APC: variants seen among roughly 807,000 people sequenced by gnomAD.
APC encodes the protein adenomatous polyposis coli protein.
APC carries 72 observed loss-of-function variants against 247.0 expected under a neutral mutation model. The observed-to-expected ratio is 0.29, with a 90% CI of 0.24 to 0.35. APC has a LOEUF of 0.35. APC is among the 10% of genes least tolerant of loss of function. The probability of loss-of-function intolerance (pLI) is 1.00; values close to 1 mark genes in which losing one functional copy is unlikely to be tolerated. For synonymous variants in APC, 1,254 were observed against 1,162.5 expected (o/e 1.08, Z -1.60); for missense variants, 3,400 against 3,360.7 (o/e 1.01, Z -0.29).
chr5:112,772,034 A>T (rs771239137), intron 4 of APC, among the ~76,000 whole-genome samples: 3 of 152,210 alleles, frequency 2.0e-5, no homozygotes, highest in Non-Finnish European at 4.4e-5. Flanking sequence ...CAGTACATAC[A>T]GCATTCAATA....
At chr5:112,723,745 G>A (rs73216233) in intron 1 of APC, among the ~76,000 whole-genome samples, 4,000 of 152,184 alleles carry the variant, frequency 0.026, 187 homozygotes, top group African/African-American at 0.092. Context: ...TATTTCTAGA[G>A]GAAAATGAAT....
chr5:112,746,688 T>A (rs187069998), intron 1 of APC, among the ~76,000 whole-genome samples: 72 of 152,340 alleles, frequency 4.7e-4, no homozygotes, highest in African/African-American at 1.5e-3. Flanking sequence ...TAAACATGTT[T>A]AAAAAATTTA....
chr5:112,817,030 G>A (rs1337791585), intron 9 of APC, among the ~76,000 whole-genome samples: 4 of 151,366 alleles, frequency 2.6e-5, no homozygotes, highest in Admixed American at 6.6e-5. Flanking sequence ...CACCATGCCC[G>A]GCTAATTTTT....
chr5:112,707,552 CG>C lies in APC; in HGVS notation c.-162del. 2 of 575,056 alleles carry C rather than the reference CG, an allele frequency of 3.5e-6. No homozygotes were observed. The highest frequency in any genetic ancestry group is 5.8e-6 in the Non-Finnish European group (2 of 347,550). 35.6% of individuals were successfully genotyped at this position (575,056 alleles called of 1,614,324 possible). On this transcript the variant is annotated 5_prime_UTR_variant, in exon 1 of 14. Coordinates refer to the APC transcript ENST00000507379. Reference sequence around the variant, plus strand: ...TGGCGGAGGGCAAGTAGCAAGGGGGCGGGGTGTGGCCGCCGGAAGCCTAGCC... The same window carrying C: ...TGGCGGAGGGCAAGTAGCAAGGGGGCGGGTGTGGCCGCCGGAAGCCTAGCC...
At chr5:112,738,413 A>C in intron 1 of APC, 1 of 985,726 alleles carries the variant, frequency 1.0e-6, no homozygotes, top group Non-Finnish European at 1.2e-6. Flanking sequence ...GGCTGATGTG[A>C]ATCTAGTGGA....
At chr5:112,731,841 A>G (rs999262541) in intron 1 of APC, among the ~76,000 whole-genome samples, 1 of 152,100 alleles carries the variant, frequency 6.6e-6, no homozygotes, top group African/African-American at 2.4e-5. Flanking sequence ...TGTTCACTGC[A>G]GCCTCTGCCT....
In APC at chr5:112,749,479, A is replaced by ATTTT. The variant is rs536428390; in HGVS notation, c.-18-5374_-18-5371dup. ...AAAGATATTAATACTTACTGCTCCA[A>ATTTT]TTTTTTTTTTTTTTTTTTTTTTTGA... On this transcript the variant is annotated intron_variant, in intron 1 of 15. Coordinates refer to ENST00000257430, the MANE Select transcript of APC (RefSeq NM_000038.6). 1.5e-3 allele frequency among the ~76,000 whole-genome samples: 158 copies of ATTTT among 104,062 alleles called. 3 individuals are homozygous for ATTTT. Among genetic ancestry groups the ATTTT allele is most frequent in the Middle Eastern group, 6.0e-3 (1 of 166 alleles). The allele number at this position is 104,062 out of a possible 152,430, so 68.3% of individuals were successfully genotyped here.
chr5:112,824,834 T>C (rs780371048), intron 11 of APC, among the ~76,000 whole-genome samples: 1 of 152,154 alleles, frequency 6.6e-6, no homozygotes, highest in Non-Finnish European at 1.5e-5. Context: ...CCTTTTCTTT[T>C]ACCCAAGTGT....
At chr5:112,776,796 A>G (rs1757702541) in intron 5 of APC, among the ~76,000 whole-genome samples, 1 of 152,058 alleles carries the variant, frequency 6.6e-6, no homozygotes, top group Non-Finnish European at 1.5e-5. Flanking sequence ...ATCCAAGTTC[A>G]TGCCACTGCA....
intron 2 of APC, among the ~76,000 whole-genome samples, chr5:112,764,177 C>T (rs1199520144): frequency 6.8e-6 from 1 of 147,616 alleles, no homozygotes; most frequent in Admixed American, 6.9e-5. Context: ...ACTTGGGAGG[C>T]GGAGCTTTCA....
Position 112,841,135 on chromosome 5 carries a change from G to A in APC, c.5541G>A (p.Thr1847=), listed in dbSNP as rs777449060. The A allele has an allele frequency of 1.3e-5, 21 of 1,612,300 alleles. No individual in the cohort carries two copies. The highest frequency in any genetic ancestry group is 4.5e-5 in the East Asian group (2 of 44,868). The change falls in exon 16 of 16, where the codon ACG becomes ACA. Residue 1847 remains threonine, a synonymous_variant. Transcript: ENST00000257430. The surrounding 1 kb of genome is among the most constrained non-coding windows in gnomAD (Gnocchi z 4.6). ...CTTTTGATTCACCTCATCATTACAC[G>A]CCTATTGAAGGAACTCCTTACTGTT... The part of the protein sequence containing the change: ...SFAFDSPHHY[T]PIEGTPYCFS...
rs745529713 is a variant in APC at position 112,837,620 on chromosome 5, A to G, written c.2026A>G (p.Ile676Val). ...LQHLKSHSLT[I>V]VSNACGTLWN... ...ACACTTAAAATCTCATAGTTTGACA[A>G]TAGTCAGTAATGCATGTGGAACTTT... is the stretch of plus-strand genomic sequence containing the variant. The change falls in exon 16 of 16, where the codon ATA becomes GTA. Residue 676 changes from isoleucine to valine, a missense_variant. Transcript: ENST00000257430. 1.8e-5 allele frequency: 29 copies of G among 1,612,356 alleles called. No homozygotes were observed. Among genetic ancestry groups the G allele is most frequent in the Middle Eastern group, 1.6e-4 (1 of 6,078 alleles).
chr5:112,776,857 AAAAAT>A (rs1349786593), intron 5 of APC, among the ~76,000 whole-genome samples: 4 of 150,652 alleles, frequency 2.7e-5, no homozygotes, highest in Non-Finnish European at 5.9e-5. Context: ...AACAAAAAGA[AAAAAT>A]AAAAAAAAAA....
At chr5:112,724,648 G>C (rs999273234) in intron 1 of APC, among the ~76,000 whole-genome samples, 1 of 152,116 alleles carries the variant, frequency 6.6e-6, no homozygotes, top group Non-Finnish European at 1.5e-5. Context: ...GGAGGACTTA[G>C]GGAAGGCTTT....
At chr5:112,752,693 G>A (rs920267605) in intron 1 of APC, among the ~76,000 whole-genome samples, 6 of 152,132 alleles carry the variant, frequency 3.9e-5, no homozygotes, top group African/African-American at 1.4e-4. Flanking sequence ...GTAAATTTAT[G>A]ACTTCACAAA....
intron 1 of APC, among the ~76,000 whole-genome samples, chr5:112,746,446 A>G (rs1455674590): frequency 6.6e-6 from 1 of 152,118 alleles, no homozygotes; most frequent in Non-Finnish European, 1.5e-5. Context: ...AAAACTATAC[A>G]TTTTCTCTTT....
At chr5:112,741,216 T>G (rs1053784532) in intron 1 of APC, among the ~76,000 whole-genome samples, 9 of 152,186 alleles carry the variant, frequency 5.9e-5, no homozygotes, top group Non-Finnish European at 1.3e-4. Flanking sequence ...TCATTACAAG[T>G]TAAACACTGC....
At chr5:112,828,126 C>T (rs1763907860) in intron 13 of APC, 120 bp downstream of exon 13, 3 of 828,146 alleles carry the variant, frequency 3.6e-6, no homozygotes, top group Non-Finnish European at 6.1e-6. Context: ...ACCTCTGCCT[C>T]CAGGGTTCAA....
Position 112,839,242 on chromosome 5 carries a change from G to T in APC, c.3648G>T (p.Glu1216Asp), listed in dbSNP as rs1765483030. ...CCGAACATATGTCTTCAAGCAGTGA[G>T]AATACGTCCACACCTTCATCTAATG... ...SKTEHMSSSS[E>D]NTSTPSSNAK... Residue 1216 changes from glutamate to aspartate, a missense_variant, in exon 16 of 16, where the codon GAG becomes GAT. By Grantham distance (45) the Glu-to-Asp change is conservative (BLOSUM62 2). Coordinates refer to ENST00000257430, the MANE Select transcript of APC (RefSeq NM_000038.6). This position sits in a 1 kb window ranked among gnomAD's most constrained non-coding sequence, Gnocchi z 5.0. 8 of 1,614,020 alleles carry T rather than the reference G, an allele frequency of 5.0e-6. No homozygotes were observed. In the South Asian group the frequency reaches 5.5e-5, roughly 11 times the overall value.
Sources: allele counts gnomAD v4.1 joint callset (sites outside exome capture counted in the v4.1 genomes callset), GRCh38; gene constraint gnomAD v4.1.1; non-coding constraint Gnocchi (gnomAD v3.1); transcripts MANE v1.5; gene names NCBI Gene and HGNC (gene_info 2026-07-23, HGNC 2026-07-21).